IGSF11: variants seen among roughly 807,000 people sequenced by gnomAD.
IGSF11 encodes CXADR like 1.
IGSF11 carries 22 observed loss-of-function variants against 41.0 expected under a neutral mutation model. The ratio of observed to expected loss-of-function variants is 0.54; its 90% CI spans 0.38 to 0.77. The LOEUF (loss-of-function observed/expected upper bound fraction) is 0.77, where lower values mean the gene tolerates loss of function less well. IGSF11 is among the 30% of genes least tolerant of loss of function. The probability of loss-of-function intolerance (pLI) is 0.00; values close to 1 mark genes in which losing one functional copy is unlikely to be tolerated. For synonymous variants in IGSF11, 219 were observed against 201.3 expected, an observed-to-expected ratio of 1.09 and a Z score of -0.74; for missense variants, 444 against 530.8, an observed-to-expected ratio of 0.84 and a Z score of 1.61.
At chr3:118,915,918 C>A (rs1417643702) in intron 4 of IGSF11, among the ~76,000 whole-genome samples, 1 of 116,392 alleles carries the variant, frequency 8.6e-6, no homozygotes, top group African/African-American at 4.8e-5. Flanking sequence ...TTGGCAGAAA[C>A]CCTACAAGCC....
At chr3:119,056,763 G>A (rs1208387282) in intron 1 of IGSF11, among the ~76,000 whole-genome samples, 1 of 152,120 alleles carries the variant, frequency 6.6e-6, no homozygotes, top group South Asian at 2.1e-4. Context: ...ACATCAAAAA[G>A]CTTATCCACC....
intron 1 of IGSF11, among the ~76,000 whole-genome samples, chr3:118,966,172 G>A (rs1018170802): frequency 6.6e-6 from 1 of 152,080 alleles, no homozygotes; most frequent in African/African-American, 2.4e-5. Flanking sequence ...CATAATATAC[G>A]TATGATCAAC....
At chr3:118,995,654 T>C (rs1936194372) in intron 1 of IGSF11, among the ~76,000 whole-genome samples, 2 of 151,910 alleles carry the variant, frequency 1.3e-5, no homozygotes, top group East Asian at 3.9e-4. Flanking sequence ...TGTTTATTTA[T>C]TTATTTATTT....
At chr3:119,005,100 G>C (rs560946760) in intron 1 of IGSF11, among the ~76,000 whole-genome samples, 3 of 148,562 alleles carry the variant, frequency 2.0e-5, no homozygotes, top group African/African-American at 7.7e-5. Flanking sequence ...GGGAGTCTAA[G>C]TCTCTTTGTA....
At chr3:119,034,883 C>G (rs571909220), upstream of IGSF11, 409 of 1,132,172 alleles carry the variant, frequency 3.6e-4, 2 homozygotes, top group African/African-American at 4.9e-3. Context: ...GCCACTCCCC[C>G]CAACTCACGC....
At chr3:119,061,610 C>T (rs1463465195) in intron 1 of IGSF11, among the ~76,000 whole-genome samples, 5 of 152,190 alleles carry the variant, frequency 3.3e-5, no homozygotes, top group Admixed American at 6.6e-5. Context: ...TTGCCTTTTT[C>T]ACTTCCCCAT....
chr3:118,930,808 T>A (rs1942784521), intron 1 of IGSF11, among the ~76,000 whole-genome samples: 1 of 152,248 alleles, frequency 6.6e-6, no homozygotes, highest in South Asian at 2.1e-4. Flanking sequence ...CAATTGTCCC[T>A]AAATTGATCT....
At chr3:118,977,315 A>AG (rs1186076059) in intron 1 of IGSF11, among the ~76,000 whole-genome samples, 1 of 152,170 alleles carries the variant, frequency 6.6e-6, no homozygotes, top group Non-Finnish European at 1.5e-5. Flanking sequence ...AACAGCTTGC[A>AG]GGGCCCTTGT....
At chr3:118,965,969 C>A (rs773310749) in intron 1 of IGSF11, among the ~76,000 whole-genome samples, 3 of 141,456 alleles carry the variant, frequency 2.1e-5, no homozygotes, top group South Asian at 4.6e-4. Context: ...AAAGACCAGG[C>A]AAGATTAAGG....
intron 1 of IGSF11, among the ~76,000 whole-genome samples, chr3:119,123,462 G>T (rs1010473314): frequency 6.6e-6 from 1 of 152,216 alleles, no homozygotes; most frequent in East Asian, 1.9e-4. Flanking sequence ...GACTAGCTTT[G>T]CCGCTTGCCA....
chr3:118,917,118 G>A (rs1338122277), intron 4 of IGSF11, among the ~76,000 whole-genome samples: 2 of 151,508 alleles, frequency 1.3e-5, no homozygotes, highest in East Asian at 1.9e-4. Flanking sequence ...GTGTGTAGAG[G>A]GAAATTTATA....
chr3:119,055,537 C>G (rs1196475408), intron 1 of IGSF11, among the ~76,000 whole-genome samples: 1 of 152,088 alleles, frequency 6.6e-6, no homozygotes, highest in African/African-American at 2.4e-5. Context: ...TTTTAACAAC[C>G]CACTGTCAAC....
chr3:118,921,086 A>T (rs767466251), intron 4 of IGSF11, among the ~76,000 whole-genome samples: 1 of 152,096 alleles, frequency 6.6e-6, no homozygotes, highest in Non-Finnish European at 1.5e-5. Flanking sequence ...GGCTTACCCT[A>T]AGCACCTTAC....
chr3:118,966,267 C>A (rs1308197769), intron 1 of IGSF11, among the ~76,000 whole-genome samples: 1 of 152,066 alleles, frequency 6.6e-6, no homozygotes, highest in Non-Finnish European at 1.5e-5. Flanking sequence ...TTCACAAATG[C>A]CCCTAATAAA....
chr3:119,113,193 CT>C (rs1030468269), intron 1 of IGSF11, among the ~76,000 whole-genome samples: 1 of 152,142 alleles, frequency 6.6e-6, no homozygotes, highest in Non-Finnish European at 1.5e-5. Context: ...CATTCCACCC[CT>C]GGCCCCTCCC....
At chr3:119,045,605 A>G (rs6772210) in intron 1 of IGSF11, among the ~76,000 whole-genome samples, 24,293 of 151,256 alleles carry the variant, frequency 0.16, 879 homozygotes, top group South Asian at 0.26. Flanking sequence ...TTAGGTAAAC[A>G]AAGCAGCCAA....
intron 1 of IGSF11, among the ~76,000 whole-genome samples, chr3:118,936,431 T>C (rs1036618030): frequency 6.7e-6 from 1 of 150,180 alleles, no homozygotes; most frequent in African/African-American, 2.5e-5. Flanking sequence ...CGCTTTAACC[T>C]GGGAGGTAGA....
chr3:119,050,686 CA>C (rs1210244916), intron 1 of IGSF11, among the ~76,000 whole-genome samples: 1 of 152,052 alleles, frequency 6.6e-6, no homozygotes, highest in African/African-American at 2.4e-5. Context: ...GCTATAAAGA[CA>C]CATGCACACG....
At chr3:119,037,880 CAG>C (rs1940974362), upstream of IGSF11, among the ~76,000 whole-genome samples, 1 of 152,198 alleles carries the variant, frequency 6.6e-6, no homozygotes, top group Non-Finnish European at 1.5e-5. Context: ...TTTAATACCT[CAG>C]ATCCCTCTTC....
Sources: allele counts gnomAD v4.1 joint callset (sites outside exome capture counted in the v4.1 genomes callset), GRCh38; gene constraint gnomAD v4.1.1; transcripts MANE v1.5; gene names NCBI Gene and HGNC (gene_info 2026-07-23, HGNC 2026-07-21).